SYNDIG1L: variants seen among roughly 807,000 people sequenced by gnomAD.
SYNDIG1L encodes the protein synapse differentiation-inducing gene protein 1-like.
In SYNDIG1L, 13 loss-of-function variants were observed where a neutral mutation model predicts 20.1. That is an observed-to-expected ratio of 0.65 (90% CI 0.42 to 1.03). The LOEUF (loss-of-function observed/expected upper bound fraction) is 1.03. Ranked by LOEUF, SYNDIG1L falls within the 50% of genes least tolerant of loss-of-function variation. SYNDIG1L has a pLI of 0.00. For missense variants in SYNDIG1L, 294 were observed against 305.1 expected (o/e 0.96, Z 0.27); for synonymous variants, 128 against 129.3 (o/e 0.99, Z 0.07).
chr14:74,427,282 G>A (rs1342111100), upstream of SYNDIG1L, among the ~76,000 whole-genome samples: 3 of 152,148 alleles, frequency 2.0e-5, no homozygotes, highest in Admixed American at 6.5e-5. Flanking sequence ...GGTTTGCAAA[G>A]TAAACCACAG....
the SYNDIG1L span, among the ~76,000 whole-genome samples, chr14:74,462,289 GC>G: frequency 6.6e-6 from 1 of 151,596 alleles, no homozygotes; most frequent in African/African-American, 2.4e-5. Flanking sequence ...TTCGAGACCA[GC>G]CTGGCCAACA....
chr14:74,423,368 A>G (rs1314692041), intron 1 of SYNDIG1L, among the ~76,000 whole-genome samples: 1 of 152,196 alleles, frequency 6.6e-6, no homozygotes. Context: ...GCCTTGCAGA[A>G]AAGAAAACAC....
chr14:74,465,425 T>C, the SYNDIG1L span, among the ~76,000 whole-genome samples: 1 of 152,190 alleles, frequency 6.6e-6, no homozygotes, highest in African/African-American at 2.4e-5. Context: ...GGCCCCACCA[T>C]TGCCTGGAGA....
the SYNDIG1L span, among the ~76,000 whole-genome samples, chr14:74,449,377 G>A: frequency 7.2e-6 from 1 of 139,302 alleles, no homozygotes; most frequent in Admixed American, 7.7e-5. Context: ...TGAGGTGGGA[G>A]GATTATTTGA....
the SYNDIG1L span, among the ~76,000 whole-genome samples, chr14:74,464,709 T>A: frequency 6.6e-6 from 1 of 152,084 alleles, no homozygotes; most frequent in Non-Finnish European, 1.5e-5. Context: ...CACGTAACAA[T>A]CCCCTCCCTG....
chr14:74,414,991 C>T (rs1038708317), intron 1 of SYNDIG1L, among the ~76,000 whole-genome samples: 2 of 152,140 alleles, frequency 1.3e-5, no homozygotes, highest in Non-Finnish European at 2.9e-5. Context: ...CTTGACACTG[C>T]GTTTCCCTTT....
the SYNDIG1L span, among the ~76,000 whole-genome samples, chr14:74,458,767 T>C: frequency 6.6e-6 from 1 of 152,178 alleles, no homozygotes; most frequent in Non-Finnish European, 1.5e-5. Context: ...GCAAACATTT[T>C]ATACACACCT....
At chr14:74,442,227 C>T in the SYNDIG1L span, among the ~76,000 whole-genome samples, 1 of 152,000 alleles carries the variant, frequency 6.6e-6, no homozygotes, top group African/African-American at 2.4e-5. Context: ...TGAAACTTAA[C>T]AGCCTAATGC....
At chr14:74,442,174 G>T in the SYNDIG1L span, among the ~76,000 whole-genome samples, 1 of 151,928 alleles carries the variant, frequency 6.6e-6, no homozygotes, top group African/African-American at 2.4e-5. Flanking sequence ...CGTGAGCCAG[G>T]CACTGTGCTA....
chr14:74,479,236 G>C, the SYNDIG1L span: 1 of 152,150 alleles, frequency 6.6e-6, no homozygotes, highest in South Asian at 2.1e-4. Flanking sequence ...TGGTTTTCCT[G>C]GGAAACTCAC....
intron 2 of SYNDIG1L, among the ~76,000 whole-genome samples, chr14:74,408,563 CAAAAA>C (rs758108537): frequency 3.0e-5 from 2 of 66,190 alleles, no homozygotes; most frequent in East Asian, 5.0e-4. Context: ...GACTCCATCT[CAAAAA>C]AAAAAAAAAA....
upstream of SYNDIG1L, among the ~76,000 whole-genome samples, chr14:74,431,147 T>A (rs1595202759): frequency 6.6e-6 from 1 of 152,190 alleles, no homozygotes; most frequent in Non-Finnish European, 1.5e-5. Context: ...CCCAAGCTCC[T>A]GCAAATCCCT....
At chr14:74,453,713 G>A in the SYNDIG1L span, among the ~76,000 whole-genome samples, 1 of 152,160 alleles carries the variant, frequency 6.6e-6, no homozygotes, top group Non-Finnish European at 1.5e-5. Flanking sequence ...AGAACTTTGG[G>A]AAGCCAAGGT....
chr14:74,440,207 G>A, the SYNDIG1L span, among the ~76,000 whole-genome samples: 6 of 150,392 alleles, frequency 4.0e-5, no homozygotes, highest in Non-Finnish European at 7.4e-5. Flanking sequence ...GTGAAACCCC[G>A]TCTCTACTAA....
At chr14:74,453,677 G>C in the SYNDIG1L span, among the ~76,000 whole-genome samples, 35 of 152,264 alleles carry the variant, frequency 2.3e-4, no homozygotes, top group African/African-American at 4.8e-4. Flanking sequence ...TACAGGCCAG[G>C]CACAGTGGCT....
chr14:74,413,770 A>G (rs2086151988), intron 1 of SYNDIG1L, among the ~76,000 whole-genome samples: 1 of 125,436 alleles, frequency 8.0e-6, no homozygotes, highest in Non-Finnish European at 1.8e-5. Context: ...CCCCTCACAT[A>G]TACACTCACA....
At chr14:74,408,282 G>C (rs1324914266) in intron 2 of SYNDIG1L, among the ~76,000 whole-genome samples, 1 of 152,122 alleles carries the variant, frequency 6.6e-6, no homozygotes, top group Non-Finnish European at 1.5e-5. Flanking sequence ...ACTCTCAATG[G>C]GCCAGTCACA....
At chr14:74,470,755 AGTTT>A in the SYNDIG1L span, among the ~76,000 whole-genome samples, 2 of 152,202 alleles carry the variant, frequency 1.3e-5, no homozygotes, top group East Asian at 3.9e-4. Context: ...TCAGCGCAAT[AGTTT>A]GTTAGGTAGA....
the SYNDIG1L span, among the ~76,000 whole-genome samples, chr14:74,440,430 C>T: frequency 1.3e-5 from 2 of 151,072 alleles, no homozygotes; most frequent in African/African-American, 2.4e-5. Flanking sequence ...AGGAGAATGG[C>T]GTGAACCCGG....
Sources: allele counts gnomAD v4.1 joint callset (sites outside exome capture counted in the v4.1 genomes callset), GRCh38; gene constraint gnomAD v4.1.1; transcripts MANE v1.5; gene names NCBI Gene and HGNC (gene_info 2026-07-23, HGNC 2026-07-21).